RAB27B: variants seen among roughly 807,000 people sequenced by gnomAD.
RAB27B encodes the protein ras-related protein Rab-27B.
A neutral mutation model predicts 24.6 loss-of-function variants in RAB27B; 15 were observed. That is an observed-to-expected ratio of 0.61 (90% CI 0.41 to 0.94). The LOEUF (loss-of-function observed/expected upper bound fraction) is 0.94. Ranked by LOEUF, RAB27B falls within the 40% of genes least tolerant of loss-of-function variation. RAB27B has a pLI of 0.00. For synonymous variants in RAB27B, 105 were observed against 92.5 expected (o/e 1.14, Z -0.78); for missense variants, 261 against 266.8 (o/e 0.98, Z 0.15).
At chr18:54,765,302 C>G (rs1403374821) in intron 2 of RAB27B, among the ~76,000 whole-genome samples, 1 of 152,072 alleles carries the variant, frequency 6.6e-6, no homozygotes, top group East Asian at 1.9e-4. Flanking sequence ...CCTCTCTGAT[C>G]TTAATTTCCC....
chr18:54,734,709 T>C (rs1909838785), intron 2 of RAB27B, among the ~76,000 whole-genome samples: 1 of 152,208 alleles, frequency 6.6e-6, no homozygotes, highest in South Asian at 2.1e-4. Context: ...CTTTTGATTT[T>C]ATTATTCTTT....
intron 2 of RAB27B, among the ~76,000 whole-genome samples, chr18:54,775,644 T>C (rs573760143): frequency 6.6e-6 from 1 of 152,328 alleles, no homozygotes; most frequent in Admixed American, 6.5e-5. Flanking sequence ...TAACTTTGTC[T>C]ATCTCTTCAT....
intron 2 of RAB27B, among the ~76,000 whole-genome samples, chr18:54,783,365 C>A (rs1343910701): frequency 1.3e-5 from 2 of 152,042 alleles, no homozygotes; most frequent in East Asian, 1.9e-4. Flanking sequence ...TATCACCTCC[C>A]CTACTGTGAT....
At chr18:54,812,779 CGTA>C (rs1910007541) in intron 2 of RAB27B, among the ~76,000 whole-genome samples, 1 of 151,992 alleles carries the variant, frequency 6.6e-6, no homozygotes, top group African/African-American at 2.4e-5. Flanking sequence ...TAATTTAAAT[CGTA>C]GTGTGAGGAA....
At chr18:54,802,670 CA>C (rs1182978814) in intron 2 of RAB27B, among the ~76,000 whole-genome samples, 2 of 152,134 alleles carry the variant, frequency 1.3e-5, no homozygotes, top group Non-Finnish European at 2.9e-5. Context: ...GAATATAAGG[CA>C]AAAGAGAGTT....
At chr18:54,824,628 C>T (rs1356124328), upstream of RAB27B, among the ~76,000 whole-genome samples, 5 of 152,042 alleles carry the variant, frequency 3.3e-5, no homozygotes, top group Admixed American at 1.3e-4. Context: ...ACCCTGGAAG[C>T]GATGTACATG....
At chr18:54,799,734 A>C (rs56384362) in intron 2 of RAB27B, among the ~76,000 whole-genome samples, 1,709 of 142,726 alleles carry the variant, frequency 0.012, 31 homozygotes, top group African/African-American at 0.043. Flanking sequence ...GGTTCATGCC[A>C]TTCTCCTGCG....
At chr18:54,740,552 G>A (rs1910039964) in intron 2 of RAB27B, among the ~76,000 whole-genome samples, 1 of 152,282 alleles carries the variant, frequency 6.6e-6, no homozygotes, top group Non-Finnish European at 1.5e-5. Flanking sequence ...AGTTTCCACA[G>A]CTTGACAGTG....
chr18:54,736,885 T>C (rs1277652532), intron 2 of RAB27B, among the ~76,000 whole-genome samples: 2 of 152,166 alleles, frequency 1.3e-5, no homozygotes, highest in Non-Finnish European at 2.9e-5. Context: ...AAATAAGCTA[T>C]GTTTTGCCAA....
rs1333058724 is a variant in RAB27B, at chr18:54,877,632, G to T, written c.47G>T (p.Gly16Val). 4 of 1,592,608 alleles carry T rather than the reference G, an allele frequency of 2.5e-6. No homozygotes were observed. The highest frequency in any genetic ancestry group is 3.4e-6 in the Non-Finnish European group (4 of 1,173,814). ...TATCTGATCAAACTCCTGGCCCTCG[G>T]GGATTCAGGGGTGGGGAAGACAACA... The part of the protein sequence containing the change: ...YDYLIKLLAL[G>V]DSGVGKTTFL... Residue 16 changes from glycine (G) to valine (V), a missense_variant, in exon 2 of 6, where the codon GGG (glycine) becomes GTG (valine). Physicochemically the swap from Gly to Val is moderately radical, Grantham distance 109. Transcript: ENST00000262094.
intron 2 of RAB27B, among the ~76,000 whole-genome samples, chr18:54,760,500 G>A (rs969676646): frequency 1.4e-4 from 21 of 152,132 alleles, no homozygotes; most frequent in Non-Finnish European, 2.6e-4. Flanking sequence ...TTAAAGTTTT[G>A]AAAATATCAT....
intron 2 of RAB27B, among the ~76,000 whole-genome samples, chr18:54,739,553 T>A (rs1024553506): frequency 1.3e-4 from 17 of 132,904 alleles, no homozygotes; most frequent in African/African-American, 5.3e-4. Flanking sequence ...TTTTTCTTTC[T>A]TTTTTTTTTT....
intron 2 of RAB27B, among the ~76,000 whole-genome samples, chr18:54,747,108 T>C (rs772010550): frequency 3.3e-5 from 5 of 152,206 alleles, no homozygotes; most frequent in African/African-American, 7.2e-5. Context: ...AGGATTTTTA[T>C]GTTTGGCTTT....
Position 54,889,505 on chromosome 18 carries a change from G to A in RAB27B, c.*92G>A, listed in dbSNP as rs575722674. 429 of 1,111,382 alleles carry A rather than the reference G, an allele frequency of 3.9e-4. 6 individuals are homozygous for A. In the South Asian group the frequency reaches 6.9e-3, roughly 18 times the overall value. The allele number at this position is 1,111,382 out of a possible 1,614,324, so 68.8% of individuals were successfully genotyped here. ...ACACAATTGTTGTTGAGTAAACCAC[G>A]CACAATGGCATGTCTTTCTTTTTCT... On this transcript the variant is annotated 3_prime_UTR_variant, in exon 6 of 6. Transcript: ENST00000262094.
intron 2 of RAB27B, among the ~76,000 whole-genome samples, chr18:54,778,163 A>G (rs1169800765): frequency 6.6e-6 from 1 of 152,198 alleles, no homozygotes; most frequent in Non-Finnish European, 1.5e-5. Flanking sequence ...CTCATAAATA[A>G]TATAATCGCC....
intron 2 of RAB27B, among the ~76,000 whole-genome samples, chr18:54,803,841 C>T (rs1226694265): frequency 2.0e-5 from 3 of 152,016 alleles, no homozygotes; most frequent in Non-Finnish European, 4.4e-5. Flanking sequence ...TTTGGGGGTT[C>T]ATTTAGGAAT....
intron 1 of RAB27B, among the ~76,000 whole-genome samples, chr18:54,832,987 T>G (rs1354265247): frequency 6.6e-6 from 1 of 152,128 alleles, no homozygotes; most frequent in African/African-American, 2.4e-5. Context: ...ACATAGAAGC[T>G]CTAATAAATT....
At chr18:54,772,782 T>G (rs1358603532) in intron 2 of RAB27B, among the ~76,000 whole-genome samples, 1 of 152,242 alleles carries the variant, frequency 6.6e-6, no homozygotes, top group Non-Finnish European at 1.5e-5. Flanking sequence ...ATTAGGGATA[T>G]GCTTGGTATA....
intron 2 of RAB27B, among the ~76,000 whole-genome samples, chr18:54,755,404 A>G (rs747752288): frequency 6.6e-6 from 1 of 152,190 alleles, no homozygotes; most frequent in Non-Finnish European, 1.5e-5. Flanking sequence ...AATTAAATAA[A>G]TAAATAAATA....
Sources: gnomAD v4.1 joint callset for allele counts (sites outside exome capture counted in the v4.1 genomes callset) on GRCh38, gnomAD v4.1.1 for gene constraint, MANE v1.5 for transcripts, NCBI Gene and HGNC (gene_info 2026-07-23, HGNC 2026-07-21) for gene names.